PAWR: variants seen among roughly 807,000 people sequenced by gnomAD.
PAWR encodes PRKC apoptosis WT1 regulator protein.
PAWR carries 23 observed loss-of-function variants against 32.0 expected under a neutral mutation model. The ratio of observed to expected loss-of-function variants is 0.72; its 90% CI spans 0.52 to 1.02. The LOEUF is 1.02. PAWR is among the 50% of genes least tolerant of loss of function. The probability of loss-of-function intolerance (pLI) is 0.00; values close to 1 mark genes in which losing one functional copy is unlikely to be tolerated. For synonymous variants in PAWR, 226 were observed against 187.1 expected (o/e 1.21, Z -1.70); for missense variants, 457 against 437.7 (o/e 1.04, Z -0.39).
At chr12:79,688,124 C>T (rs947331086) in intron 2 of PAWR, among the ~76,000 whole-genome samples, 3 of 151,876 alleles carry the variant, frequency 2.0e-5, no homozygotes, top group Admixed American at 1.3e-4. Flanking sequence ...ACATTCTCAG[C>T]ACTATGTTCT....
chr12:79,663,533 G>A (rs1006227890), intron 2 of PAWR, among the ~76,000 whole-genome samples: 2 of 152,168 alleles, frequency 1.3e-5, no homozygotes, highest in Non-Finnish European at 2.9e-5. Flanking sequence ...TGAGGCAGGA[G>A]GATCGCTTGA....
chr12:79,631,402 T>C (rs1453402681), intron 2 of PAWR, among the ~76,000 whole-genome samples: 1 of 152,208 alleles, frequency 6.6e-6, no homozygotes, highest in African/African-American at 2.4e-5. Context: ...GATGGCATTA[T>C]CTTCTATATA....
At chr12:79,602,573 G>GA (rs1874005341) in intron 4 of PAWR, among the ~76,000 whole-genome samples, 9 of 150,282 alleles carry the variant, frequency 6.0e-5, no homozygotes, top group Admixed American at 4.0e-4. Flanking sequence ...GGCAAGATGG[G>GA]AAAAAAAAAT....
At chr12:79,634,490 AG>A (rs1365024816) in intron 2 of PAWR, among the ~76,000 whole-genome samples, 8 of 152,296 alleles carry the variant, frequency 5.3e-5, no homozygotes, top group African/African-American at 1.9e-4. Context: ...ATTCAGGAAG[AG>A]GGGACAAGAT....
rs570659137 is a variant in PAWR, at chr12:79,592,377, A to G, written c.*230T>C. ...ACACAAAACCAAAAAGGCATTATCT[A>G]TCATTTAATAACTGAAAGATATTAC... On this transcript the variant is annotated 3_prime_UTR_variant, in exon 7 of 7. Transcript: ENST00000328827. 2.4e-6 allele frequency: 1 copy of G among 411,874 alleles called. No homozygotes were observed. The highest frequency in any genetic ancestry group is 3.4e-5 in the South Asian group (1 of 29,556). 25.5% of individuals were successfully genotyped at this position (411,874 alleles called of 1,614,324 possible).
At chr12:79,675,363 A>G (rs1878112413) in intron 2 of PAWR, among the ~76,000 whole-genome samples, 1 of 152,164 alleles carries the variant, frequency 6.6e-6, no homozygotes, top group Non-Finnish European at 1.5e-5. Context: ...TGGGTGACAA[A>G]GCAAGACTCT....
chr12:79,647,973 C>G (rs1876658411), intron 2 of PAWR, among the ~76,000 whole-genome samples: 1 of 152,004 alleles, frequency 6.6e-6, no homozygotes, highest in Non-Finnish European at 1.5e-5. Context: ...AGCATGCAAC[C>G]TAGATCTCTC....
At chr12:79,648,363 G>C (rs566610487) in intron 2 of PAWR, among the ~76,000 whole-genome samples, 1 of 151,870 alleles carries the variant, frequency 6.6e-6, no homozygotes, top group Non-Finnish European at 1.5e-5. Flanking sequence ...TTGCTGGTTC[G>C]GTAAATGAAG....
At chr12:79,639,706 C>T (rs1876183806) in intron 2 of PAWR, among the ~76,000 whole-genome samples, 1 of 152,082 alleles carries the variant, frequency 6.6e-6, no homozygotes, top group African/African-American at 2.4e-5. Context: ...CTATATAAAA[C>T]AAACTAAAAC....
intron 2 of PAWR, among the ~76,000 whole-genome samples, chr12:79,678,675 A>G (rs1351724724): frequency 1.3e-5 from 2 of 152,252 alleles, no homozygotes; most frequent in Non-Finnish European, 2.9e-5. Flanking sequence ...GCAGGCATGC[A>G]ATATAAAGTT....
In PAWR at chr12:79,585,158, AAAC is replaced by A. The variant is rs746822005; in HGVS notation, c.*7446_*7448del. 1 of 453,642 alleles carries A rather than the reference AAAC, an allele frequency of 2.2e-6. No homozygotes were observed. Among genetic ancestry groups the A allele is most frequent in the South Asian group, 1.6e-5 (1 of 63,840 alleles). 28.1% of individuals were successfully genotyped at this position (453,642 alleles called of 1,614,324 possible). A position where few individuals can be genotyped will look rare whatever the true frequency, so the allele number is the denominator to read the frequency against. ...CAACAAAGATCAGGAGCTTAAAACA[AAAC>A]AAAACAAAAACAAACAAAAAACAAG... On this transcript the variant is annotated 3_prime_UTR_variant, in exon 7 of 7. Coordinates refer to ENST00000328827, the MANE Select transcript of PAWR (RefSeq NM_002583.4).
intron 2 of PAWR, among the ~76,000 whole-genome samples, chr12:79,667,200 C>T (rs142028527): frequency 6.6e-6 from 1 of 152,304 alleles, no homozygotes; most frequent in African/African-American, 2.4e-5. Context: ...TTGACTGACA[C>T]CTGTCTCAGA....
chr12:79,639,881 TATTCC>T (rs71091678), intron 2 of PAWR, among the ~76,000 whole-genome samples: 63,653 of 108,776 alleles, frequency 0.59, 19,862 homozygotes, highest in Non-Finnish European at 0.7. Flanking sequence ...TTCCTATTCC[TATTCC>T]ATTCCATTCC....
rs1386647380 is a variant in PAWR, at chr12:79,588,902, C to G, written c.*3705G>C. 6.6e-6 allele frequency: 1 copy of G among 151,886 alleles called. No individual in the cohort carries two copies. The highest frequency in any genetic ancestry group is 2.4e-5 in the African/African-American group (1 of 41,400). 9.4% of individuals were successfully genotyped at this position (151,886 alleles called of 1,614,324 possible). Reference sequence around the variant, plus strand: ...TTCCATATATCCAGGAGAAACTTAGCATGGGGGGAGGTGCCTTAGTTGATG... The same window carrying G: ...TTCCATATATCCAGGAGAAACTTAGGATGGGGGGAGGTGCCTTAGTTGATG... On this transcript the variant is annotated 3_prime_UTR_variant, in exon 7 of 7. Transcript: ENST00000328827.
intron 5 of PAWR, among the ~76,000 whole-genome samples, chr12:79,594,937 G>T (rs183113597): frequency 6.6e-6 from 1 of 152,064 alleles, no homozygotes; most frequent in African/African-American, 2.4e-5. Context: ...GGCTGGTCTC[G>T]AACTCCTGAC....
intron 2 of PAWR, among the ~76,000 whole-genome samples, chr12:79,673,592 C>T (rs181791799): frequency 3.3e-5 from 5 of 152,278 alleles, no homozygotes; most frequent in Admixed American, 3.3e-4. Context: ...CAGTTGGAGG[C>T]CTCTCCTCAA....
intron 2 of PAWR, among the ~76,000 whole-genome samples, chr12:79,650,156 T>A (rs562865698): frequency 1.3e-5 from 2 of 152,320 alleles, no homozygotes; most frequent in East Asian, 3.9e-4. Context: ...TCCATATCCA[T>A]AAGATAATGT....
chr12:79,687,138 T>C (rs1878719334), intron 2 of PAWR, among the ~76,000 whole-genome samples: 2 of 152,196 alleles, frequency 1.3e-5, no homozygotes. Context: ...AAACTCTTAG[T>C]AAATTTTATC....
intron 2 of PAWR, among the ~76,000 whole-genome samples, chr12:79,643,323 C>T (rs1173720131): frequency 2.0e-5 from 3 of 152,080 alleles, no homozygotes; most frequent in Non-Finnish European, 2.9e-5. Flanking sequence ...AACCAAAATA[C>T]TTAATAGTCA....
Sources: allele counts gnomAD v4.1 joint callset (sites outside exome capture counted in the v4.1 genomes callset), GRCh38; gene constraint gnomAD v4.1.1; transcripts MANE v1.5; gene names NCBI Gene and HGNC (gene_info 2026-07-23, HGNC 2026-07-21).